The following TGDS variants were observed in gnomAD, a reference collection of about 807,000 sequenced individuals.
TGDS encodes the protein TDP-glucose 4,6-dehydratase.
Under a neutral mutation model 52.3 loss-of-function variants are expected in TGDS, and 47 were observed. The observed-to-expected ratio is 0.90, with a 90% CI of 0.71 to 1.15. The LOEUF (loss-of-function observed/expected upper bound fraction) is 1.15. Ranked by LOEUF, TGDS falls within the 50% of genes most tolerant of loss-of-function variation. The pLI, the probability that TGDS is intolerant of heterozygous loss-of-function variation, is 0.00. For synonymous variants in TGDS, 115 were observed against 136.9 expected, an observed-to-expected ratio of 0.84 and a Z score of 1.12; for missense variants, 375 against 418.4, an observed-to-expected ratio of 0.90 and a Z score of 0.90.
Position 94,581,165 on chromosome 13 carries a change from G to C in TGDS, c.481C>G (p.Gln161Glu), listed in dbSNP as rs772868057. The change falls in exon 6 of 12, where the codon CAA becomes GAA. Residue 161 changes from glutamine to glutamate, a missense_variant. Transcript: ENST00000261296. ...DKEFDESSPK[Q>E]PTNPYASSKA... is the part of the protein sequence containing the mutation. The stretch of plus-strand genomic sequence containing the variant: ...GATGATGCATAAGGATTTGTAGGTT[G>C]TTTGGGTGAAGATTCATCAAATTCC... The C allele has an allele frequency of 1.2e-4, 199 of 1,592,286 alleles. No homozygotes were observed. Among genetic ancestry groups the C allele is most frequent in the Non-Finnish European group, 1.7e-4 (195 of 1,168,858 alleles).
intron 1 of TGDS, among the ~76,000 whole-genome samples, chr13:94,594,859 G>A (rs938031243): frequency 2.1e-5 from 3 of 144,254 alleles, no homozygotes; most frequent in Middle Eastern, 7.2e-3. Context: ...AGTTCCTTGA[G>A]GGGAGGATAG....
intron 10 of TGDS, among the ~76,000 whole-genome samples, chr13:94,576,922 G>A (rs566259904): frequency 6.6e-6 from 1 of 152,178 alleles, no homozygotes; most frequent in East Asian, 1.9e-4. Flanking sequence ...CCAACATGGT[G>A]CAAACCCGTC....
Position 94,577,382 on chromosome 13 carries a change from A to C in TGDS, c.873T>G (p.Tyr291Ter), listed in dbSNP as rs1888638550. 6.4e-7 allele frequency: 1 copy of C among 1,574,616 alleles called. No individual in the cohort carries two copies. The highest frequency in any genetic ancestry group is 1.4e-5 in the African/African-American group (1 of 72,318). ...AACTTGTTACTCACCTATCATTAAC[A>C]TAATCAACCCAATTTTCCATTTCAG... The part of the protein sequence containing the change: ...SESEMENWVD[Y>*]VNDRPTNDMR... The change falls in exon 10 of 12, where the codon TAT becomes TAG. Residue 291 changes from tyrosine (Y) to a stop codon, truncating the protein, a stop_gained. Coordinates refer to ENST00000261296, the MANE Select transcript of TGDS (RefSeq NM_014305.4). LOFTEE classifies it high-confidence loss of function.
intron 1 of TGDS, 98 bp downstream of exon 1, chr13:94,595,953 C>A: frequency 6.9e-7 from 1 of 1,441,262 alleles, no homozygotes; most frequent in Non-Finnish European, 9.7e-7. Flanking sequence ...ATAAGGACCC[C>A]TCAAAGCTGG....
chr13:94,587,182 A>G (rs1889022464), intron 4 of TGDS, among the ~76,000 whole-genome samples: 1 of 146,136 alleles, frequency 6.8e-6, no homozygotes, highest in African/African-American at 2.5e-5. Flanking sequence ...AGAAAACGTG[A>G]AAATTAATAA....
intron 7 of TGDS, 68 bp downstream of exon 7, chr13:94,579,826 G>C: frequency 1.2e-6 from 1 of 859,738 alleles, no homozygotes; most frequent in Non-Finnish European, 1.9e-6. Flanking sequence ...TAACTGAAAA[G>C]AGGTTATTTC....
At chr13:94,592,126 G>T in intron 3 of TGDS, 115 bp downstream of exon 3, 1 of 676,300 alleles carries the variant, frequency 1.5e-6, no homozygotes, top group Non-Finnish European at 2.3e-6. Flanking sequence ...CTTTTAAAAG[G>T]TCTTTAATTA....
intron 4 of TGDS, among the ~76,000 whole-genome samples, chr13:94,587,151 A>G (rs1466830273): frequency 7.1e-6 from 1 of 140,084 alleles, no homozygotes; most frequent in Non-Finnish European, 1.5e-5. Context: ...GTAAATTTAT[A>G]GTCTAAAATG....
chr13:94,574,232 A>C lies in TGDS; in HGVS notation c.*550T>G, dbSNP rs1888517948. ...ATACGTTAATTGTGAAAATATAAAA[A>C]CTTTACACACTTCTCTTAAAAAGCA... is the stretch of plus-strand genomic sequence containing the variant. On this transcript the variant is annotated 3_prime_UTR_variant, in exon 12 of 12. Coordinates refer to ENST00000261296, the MANE Select transcript of TGDS (RefSeq NM_014305.4). The C allele has an allele frequency of 6.6e-6, 1 of 152,144 alleles. No individual in the cohort carries two copies. Among genetic ancestry groups the C allele is most frequent in the Admixed American group, 6.5e-5 (1 of 15,274 alleles). 9.4% of individuals were successfully genotyped at this position (152,144 alleles called of 1,614,324 possible). A position where few individuals can be genotyped will look rare whatever the true frequency, so the allele number is the denominator to read the frequency against.
At chr13:94,580,695 T>A (rs988135744) in intron 6 of TGDS, among the ~76,000 whole-genome samples, 19 of 152,128 alleles carry the variant, frequency 1.2e-4, no homozygotes, top group Non-Finnish European at 2.5e-4. Flanking sequence ...GAAAAAAAAA[T>A]GTATATTCAA....
chr13:94,584,479 A>G (rs1342046300), intron 4 of TGDS, among the ~76,000 whole-genome samples: 1 of 152,250 alleles, frequency 6.6e-6, no homozygotes, highest in East Asian at 1.9e-4. Flanking sequence ...TAAACAAAAA[A>G]TCTCAATGCG....
At chr13:94,582,152 T>C (rs1156629460) in intron 5 of TGDS, among the ~76,000 whole-genome samples, 1 of 151,190 alleles carries the variant, frequency 6.6e-6, no homozygotes, top group Non-Finnish European at 1.5e-5. Context: ...TAGTCAAGAT[T>C]GAACCATTGC....
intron 4 of TGDS, among the ~76,000 whole-genome samples, chr13:94,584,503 A>G (rs1888913041): frequency 6.6e-6 from 1 of 152,260 alleles, no homozygotes; most frequent in African/African-American, 2.4e-5. Flanking sequence ...TGGACATTTC[A>G]GTATAAACCC....
At chr13:94,583,286 C>T in intron 4 of TGDS, 50 bp from the exon 5 acceptor site, 2 of 1,574,200 alleles carry the variant, frequency 1.3e-6, no homozygotes, top group Non-Finnish European at 1.7e-6. Flanking sequence ...ACGGATAAAA[C>T]AAATGCCAAA....
At position 94,574,788 on chromosome 13, in the gene TGDS, C is replaced by T. The variant is rs773077322; in HGVS notation, c.1047G>A (p.Pro349=). 2.9e-5 allele frequency: 47 copies of T among 1,597,240 alleles called. No individual in the cohort carries two copies. In the South Asian group the frequency reaches 3.4e-4, roughly 12 times the overall value. Residue 349 remains proline, a synonymous_variant, in exon 12 of 12, where the codon CCG becomes CCA. Transcript: ENST00000261296. ...KNVEKALEPF[P]V is the part of the protein sequence containing the mutation. ...TCGACTATATAAATGGTGATTATAC[C>T]GGAAAGGGTTCTAATGCCTTTTCCA...
intron 4 of TGDS, among the ~76,000 whole-genome samples, chr13:94,586,999 A>G (rs761685596): frequency 6.6e-6 from 1 of 152,092 alleles, no homozygotes; most frequent in Non-Finnish European, 1.5e-5. Flanking sequence ...TCCTGGGCTC[A>G]AGTGATTCGC....
rs139729691 is a variant in TGDS, at chr13:94,588,970, T to C, written c.313+1883A>G. On this transcript the variant is annotated intron_variant, in intron 4 of 11. Coordinates refer to ENST00000261296, the MANE Select transcript of TGDS (RefSeq NM_014305.4). ...ACATGAAATTGGGGTTATATAAGAATTAATTTCAGATGGATTACAAATCTA... is the reference window on the plus strand; with the variant it reads ...ACATGAAATTGGGGTTATATAAGAACTAATTTCAGATGGATTACAAATCTA... 9.4e-3 allele frequency among the ~76,000 whole-genome samples: 1,436 copies of C among 152,276 alleles called. 12 individuals are homozygous for C. The highest frequency in any genetic ancestry group is 0.013 in the Non-Finnish European group (862 of 68,020).
Position 94,576,429 on chromosome 13 carries a change from A to C in TGDS, c.885-18T>G. 6.7e-7 allele frequency: 1 copy of C among 1,493,616 alleles called. No homozygotes were observed. 92.5% of individuals were successfully genotyped at this position (1,493,616 alleles called of 1,614,324 possible). On this transcript the variant is annotated intron_variant, in intron 10 of 11. Coordinates refer to ENST00000261296, the MANE Select transcript of TGDS (RefSeq NM_014305.4). ...TGGTGGGTCTTGGAAAACAAAACAG[A>C]TTTAAAATAATATTGTAGATATATA...
chr13:94,584,448 T>C (rs997808869), intron 4 of TGDS, among the ~76,000 whole-genome samples: 3 of 152,184 alleles, frequency 2.0e-5, no homozygotes, highest in Non-Finnish European at 4.4e-5. Flanking sequence ...AAAGATGATA[T>C]AAATGAAAGA....
Sources: allele counts gnomAD v4.1 joint callset (sites outside exome capture counted in the v4.1 genomes callset), GRCh38; gene constraint gnomAD v4.1.1; transcripts MANE v1.5; gene names NCBI Gene and HGNC (gene_info 2026-07-23, HGNC 2026-07-21).